SPAG8: variants seen among roughly 807,000 people sequenced by gnomAD.
The protein encoded by SPAG8 is sperm-associated antigen 8.
In SPAG8, 36 loss-of-function variants were observed where a neutral mutation model predicts 45.3. That is an observed-to-expected ratio of 0.80 (90% confidence interval 0.61 to 1.05). The LOEUF is 1.05. Ranked by LOEUF, SPAG8 falls within the 50% of genes least tolerant of loss-of-function variation. The pLI is 0.00. For missense variants in SPAG8, 573 were observed against 609.2 expected (o/e 0.94, Z 0.63); for synonymous variants, 227 against 232.6 (o/e 0.98, Z 0.22).
chr9:35,809,489 C>T (rs1312820127), downstream of SPAG8: 2 of 1,614,124 alleles, frequency 1.2e-6, no homozygotes, highest in Non-Finnish European at 1.7e-6. This position sits in a 1 kb window ranked among gnomAD's most constrained non-coding sequence, Gnocchi z 4.1. Flanking sequence ...CTGCTGGTAC[C>T]TGGGTGGGCA....
Position 35,811,926 on chromosome 9 carries a change from G to T in SPAG8, c.120C>A (p.Pro40=), listed in dbSNP as rs767092505. Reference sequence around the variant, plus strand: ...CGGTTGCAGCTGCCAGGGCCGACCTGGGACTGTCATCTGAAGAAGGAAACG... The same window carrying T: ...CGGTTGCAGCTGCCAGGGCCGACCTTGGACTGTCATCTGAAGAAGGAAACG... The part of the protein sequence containing the change: ...SEPFPSSDDS[P]RSALAAATAA... The change falls in exon 2 of 7, where the codon CCC becomes CCA. Residue 40 remains proline, a synonymous_variant. Transcript: ENST00000396638. The T allele has an allele frequency of 1.9e-6, 3 of 1,606,644 alleles. No individual in the cohort carries two copies. The highest frequency in any genetic ancestry group is 8.5e-7 in the Non-Finnish European group (1 of 1,174,668).
At chr9:35,808,997 T>C, downstream of SPAG8, 2 of 935,130 alleles carry the variant, frequency 2.1e-6, no homozygotes, top group Non-Finnish European at 3.5e-6. This position sits in a 1 kb window ranked among gnomAD's most constrained non-coding sequence, Gnocchi z 4.0. Context: ...CTAATAGATA[T>C]GCATTGGGAG....
Position 35,810,649 on chromosome 9 carries a change from T to C in SPAG8, c.1073A>G (p.Gln358Arg), listed in dbSNP as rs755680708. ...CCCAATCCCTTACCAGATCTGATGC[T>C]GCAGGAGCATCTCCAGCATGGCTTC... ...KREAMLEMLLQHQICKEVQAE... is the reference protein window; with the variant it reads ...KREAMLEMLLRHQICKEVQAE... Residue 358 changes from glutamine (Q) to arginine (R), a missense_variant, in exon 4 of 7, where the codon CAG (glutamine) becomes CGG (arginine). Gln to Arg is a conservative substitution (Grantham distance 43). Coordinates refer to ENST00000396638, the MANE Select transcript of SPAG8 (RefSeq NM_001039592.2). 1 of 1,613,992 alleles carries C rather than the reference T, an allele frequency of 6.2e-7. No homozygotes were observed. Among genetic ancestry groups the C allele is most frequent in the South Asian group, 1.1e-5 (1 of 91,080 alleles).
At chr9:35,809,320 G>A, downstream of SPAG8, 2 of 1,611,456 alleles carry the variant, frequency 1.2e-6, no homozygotes, top group Non-Finnish European at 1.7e-6. The surrounding 1 kb of genome is among the most constrained non-coding windows in gnomAD (Gnocchi z 4.1). Context: ...TAGGGAAAGA[G>A]AGGGAGACAA....
rs28546946 is a variant in SPAG8 at position 35,811,448 on chromosome 9, C to G, written c.598G>C (p.Gly200Arg). The G allele has an allele frequency of 1.2e-6, 2 of 1,613,744 alleles. No homozygotes were observed. Among genetic ancestry groups the G allele is most frequent in the African/African-American group, 2.7e-5 (2 of 74,874 alleles). Residue 200 changes from glycine to arginine, a missense_variant, in exon 2 of 7, where the codon GGT becomes CGT. Gly to Arg is a moderately radical substitution (Grantham distance 125). Transcript: ENST00000396638. ...TCAGAGTCAGGGCCAGTGTCTGGACCAGGCCCAGAGGCAGGACCAGGATGA... is the reference window on the plus strand; with the variant it reads ...TCAGAGTCAGGGCCAGTGTCTGGACGAGGCCCAGAGGCAGGACCAGGATGA... ...GSHPGPASGP[G>R]PDTGPDSELS...
chr9:35,810,181 A>G, intron 6 of SPAG8, 49 bp from the exon 7 acceptor site: 1 of 1,609,202 alleles, frequency 6.2e-7, no homozygotes, highest in African/African-American at 1.3e-5. Context: ...CCAAGCCAGA[A>G]CAAAACAACT....
rs757384008 is a variant in SPAG8, at chr9:35,810,010, C to T, written c.1386G>A (p.Leu462=). The T allele has an allele frequency of 2.5e-5, 40 of 1,612,684 alleles. No individual in the cohort carries two copies. Among genetic ancestry groups the T allele is most frequent in the Non-Finnish European group, 3.2e-5 (38 of 1,179,350 alleles). The change falls in exon 7 of 7, where the codon TTG becomes TTA. Residue 462 remains leucine (L), a synonymous_variant. Transcript: ENST00000396638. ...GACAGGGAAGGGAAGATATTTCTCC[C>T]AATTGGTAGGGGTAATTCTCAGGTT... is the stretch of plus-strand genomic sequence containing the variant. ...PYEPENYPYQ[L]GEISSLPCPG...
chr9:35,810,946 G>C lies in SPAG8; in HGVS notation c.976C>G (p.Pro326Ala), dbSNP rs139810096. 3 of 1,613,980 alleles carry C rather than the reference G, an allele frequency of 1.9e-6. No individual in the cohort carries two copies. The African/African-American group carries it at 4.0e-5, about 22-fold the overall frequency. Residue 326 changes from proline (P) to alanine (A), a missense_variant, in exon 3 of 7, where the codon CCC becomes GCC. Coordinates refer to ENST00000396638, the MANE Select transcript of SPAG8 (RefSeq NM_001039592.2). ...LLTMQLKSPM[P>A]SSTTQKDSYQ... is the part of the protein sequence containing the mutation. ...GAGTCTTTCTGGGTGGTGCTGGAGG[G>C]CATGGGTGACTTTAGTTGCATAGTC...
In SPAG8 at chr9:35,811,363, T is replaced by C; in HGVS notation, c.683A>G (p.Tyr228Cys). Reference protein sequence around the residue: ...RNLVADRVPNYTSWSQHCPWE... With the variant: ...RNLVADRVPNCTSWSQHCPWE... ...GGGGCAGTGCTGACTCCAGGAGGTA[T>C]AGTTAGGGACCCGATCTGCCACCAG... Residue 228 changes from tyrosine to cysteine, a missense_variant, in exon 2 of 7, where the codon TAT (tyrosine) becomes TGT (cysteine). Transcript: ENST00000396638. 1.2e-6 allele frequency: 2 copies of C among 1,614,060 alleles called. No homozygotes were observed. Among genetic ancestry groups the C allele is most frequent in the Non-Finnish European group, 1.7e-6 (2 of 1,180,000 alleles).
In SPAG8 at chr9:35,810,049, T is replaced by C; in HGVS notation, c.1347A>G (p.Lys449=). Residue 449 remains lysine, a synonymous_variant, in exon 7 of 7, where the codon AAA becomes AAG. Transcript: ENST00000396638. ...AATTCTCAGGTTCATAGGGCAAAAG[T>C]TTCCCCAGAGACAAGGGTACTGGTG... ...FSTPVPLSLG[K]LLPYEPENYP... is the part of the protein sequence containing the mutation. 1 of 1,613,888 alleles carries C rather than the reference T, an allele frequency of 6.2e-7. No individual in the cohort carries two copies. Among genetic ancestry groups the C allele is most frequent in the Non-Finnish European group, 8.5e-7 (1 of 1,179,864 alleles).
chr9:35,809,458 T>C, downstream of SPAG8: 2 of 1,614,142 alleles, frequency 1.2e-6, no homozygotes, highest in Non-Finnish European at 1.7e-6. This position sits in a 1 kb window ranked among gnomAD's most constrained non-coding sequence, Gnocchi z 4.1. Context: ...CCCCATTCTT[T>C]CCAAGTCAGA....
chr9:35,808,417 G>A, downstream of SPAG8: 1 of 1,447,428 alleles, frequency 6.9e-7, no homozygotes, highest in Non-Finnish European at 9.7e-7. This position sits in a 1 kb window ranked among gnomAD's most constrained non-coding sequence, Gnocchi z 4.0. Flanking sequence ...ATGTCAGGAT[G>A]ATTAATGATG....
intron 5 of SPAG8, 61 bp from the exon 6 acceptor site, chr9:35,810,370 T>C: frequency 6.2e-7 from 1 of 1,609,936 alleles, no homozygotes; most frequent in Non-Finnish European, 8.5e-7. Flanking sequence ...CCTCTGGGCT[T>C]GGTACTTGGC....
At chr9:35,808,148 AT>A, downstream of SPAG8, 1 of 1,582,538 alleles carries the variant, frequency 6.3e-7, no homozygotes, top group Non-Finnish European at 8.7e-7. The surrounding 1 kb of genome is among the most constrained non-coding windows in gnomAD (Gnocchi z 4.0). Flanking sequence ...TGTCAGGTCC[AT>A]TTCACTGGGC....
In SPAG8 at chr9:35,811,209, C is replaced by G. The variant is rs572539708; in HGVS notation, c.837G>C (p.Gln279His). The change falls in exon 2 of 7, where the codon CAG becomes CAC. Residue 279 changes from glutamine to histidine, a missense_variant. Coordinates refer to ENST00000396638, the MANE Select transcript of SPAG8 (RefSeq NM_001039592.2). ...CTTCCTCCCAGTTGTAGAGGAGGCACTGGCCCCGCGGCAAAGTTTCATAGC... is the reference window on the plus strand; with the variant it reads ...CTTCCTCCCAGTTGTAGAGGAGGCAGTGGCCCCGCGGCAAAGTTTCATAGC... ...MVCYETLPRGQCLLYNWEEER... is the reference protein window; with the variant it reads ...MVCYETLPRGHCLLYNWEEER... 9 of 1,580,922 alleles carry G rather than the reference C, an allele frequency of 5.7e-6. No individual in the cohort carries two copies. Among genetic ancestry groups the G allele is most frequent in the African/African-American group, 2.7e-5 (2 of 73,988 alleles).
Position 35,810,145 on chromosome 9 carries a change from C to A in SPAG8, c.1264-13G>T. On this transcript the variant is annotated splice_polypyrimidine_tract_variant and intron_variant, in intron 6 of 6. Coordinates refer to ENST00000396638, the MANE Select transcript of SPAG8 (RefSeq NM_001039592.2). ...TGTTACTGACACCCTGGAGGAGTGCCAGGATGAGGATGGATCCCACTCTCC... is the reference window on the plus strand; with the variant it reads ...TGTTACTGACACCCTGGAGGAGTGCAAGGATGAGGATGGATCCCACTCTCC... 2 of 1,608,962 alleles carry A rather than the reference C, an allele frequency of 1.2e-6. No homozygotes were observed. The highest frequency in any genetic ancestry group is 1.7e-6 in the Non-Finnish European group (2 of 1,175,970).
downstream of SPAG8, chr9:35,808,327 T>TAA (rs760138033): frequency 6.4e-7 from 1 of 1,565,034 alleles, no homozygotes; most frequent in Admixed American, 1.7e-5. The surrounding 1 kb of genome is among the most constrained non-coding windows in gnomAD (Gnocchi z 4.0). Context: ...AAAGAAGACT[T>TAA]AAAGATTCCC....
chr9:35,810,294 G>A lies in SPAG8; in HGVS notation c.1216C>T (p.Gln406Ter), dbSNP rs779369020. The A allele has an allele frequency of 4.3e-5, 69 of 1,614,184 alleles. No homozygotes were observed. Among genetic ancestry groups the A allele is most frequent in the Non-Finnish European group, 5.8e-5 (69 of 1,180,010 alleles). ...ATCCAGAAGGTCTCAGGTTGCTCCTGGCGGTAGTCGTGAGGCTGTGAGGGA... is the reference window on the plus strand; with the variant it reads ...ATCCAGAAGGTCTCAGGTTGCTCCTAGCGGTAGTCGTGAGGCTGTGAGGGA... ...PAPTKPHDYR[Q>*]EQPETFWIQR... The change falls in exon 6 of 7, where the codon CAG (glutamine) becomes TAG (stop). Residue 406 changes from glutamine (Q) to a stop codon, truncating the protein, a stop_gained. Coordinates refer to ENST00000396638, the MANE Select transcript of SPAG8 (RefSeq NM_001039592.2). LOFTEE classifies it high-confidence loss of function.
chr9:35,808,648 A>T, downstream of SPAG8: 2 of 1,613,928 alleles, frequency 1.2e-6, no homozygotes, highest in Non-Finnish European at 1.7e-6. This position sits in a 1 kb window ranked among gnomAD's most constrained non-coding sequence, Gnocchi z 4.0. Flanking sequence ...CACCGACCCC[A>T]TGACCAGCTG....
Sources: allele counts gnomAD v4.1 joint callset, GRCh38; gene constraint gnomAD v4.1.1; non-coding constraint Gnocchi (gnomAD v3.1); transcripts MANE v1.5; gene names NCBI Gene and HGNC (gene_info 2026-07-23, HGNC 2026-07-21).